BSN: variants seen among roughly 807,000 people sequenced by gnomAD.
BSN encodes protein bassoon.
Under a neutral mutation model 264.8 loss-of-function variants are expected in BSN, and 57 were observed. The observed-to-expected ratio is 0.22, with a 90% CI of 0.17 to 0.27. BSN has a LOEUF of 0.27. Among genes scored for constraint, BSN ranks in the 10% least tolerant of loss-of-function variants. The pLI is 1.00. For missense variants in BSN, 4,615 were observed against 5,232.5 expected, an observed-to-expected ratio of 0.88 and a Z score of 3.64; for synonymous variants, 2,059 against 2,137.3, an observed-to-expected ratio of 0.96 and a Z score of 1.01.
Position 49,663,273 on chromosome 3 carries a change from C to T in BSN, c.11115C>T (p.Tyr3705=). 3 of 1,614,136 alleles carry T rather than the reference C, an allele frequency of 1.9e-6. No homozygotes were observed. The highest frequency in any genetic ancestry group is 1.7e-6 in the Non-Finnish European group (2 of 1,180,026). The change falls in exon 7 of 12, where the codon TAC becomes TAT. Residue 3705 remains tyrosine, a synonymous_variant. Coordinates refer to ENST00000296452, the MANE Select transcript of BSN (RefSeq NM_003458.4). ...CTGGGTATCCCAGCTCTGCTGAGTA[C>T]TCACAGCCATCCCGTGCTTCATCCG... ...GQPGYPSSAE[Y]SQPSRASSAY...
rs1294938404 is a variant in BSN at position 49,625,120 on chromosome 3, G to A, written c.370G>A (p.Gly124Ser). ...GGGACCAGCAGGCCAGGAGGCTGAT[G>A]GTCCCCGCAGGACGCTGCAGGTAGA... ...AQGPAGQEAD[G>S]PRRTLQVDSR... The change falls in exon 2 of 12, where the codon GGT becomes AGT. Residue 124 changes from glycine (G) to serine (S), a missense_variant. Coordinates refer to ENST00000296452, the MANE Select transcript of BSN (RefSeq NM_003458.4). The surrounding 1 kb of genome is among the most constrained non-coding windows in gnomAD (Gnocchi z 4.4). The A allele has an allele frequency of 5.0e-6, 8 of 1,602,652 alleles. No individual in the cohort carries two copies. The highest frequency in any genetic ancestry group is 6.8e-6 in the Non-Finnish European group (8 of 1,174,778).
chr3:49,606,239 ATG>A (rs2052145378), intron 1 of BSN, among the ~76,000 whole-genome samples: 1 of 87,768 alleles, frequency 1.1e-5, no homozygotes, highest in African/African-American at 5.0e-5. Flanking sequence ...TATATTATAT[ATG>A]TATATATTAT....
intron 1 of BSN, among the ~76,000 whole-genome samples, chr3:49,572,724 A>T (rs879661476): frequency 1.3e-5 from 2 of 152,090 alleles, no homozygotes; most frequent in Non-Finnish European, 2.9e-5. Flanking sequence ...TAGTAGAGAC[A>T]GGGTTTCACC....
chr3:49,569,832 G>C (rs902233302), intron 1 of BSN, among the ~76,000 whole-genome samples: 1 of 152,158 alleles, frequency 6.6e-6, no homozygotes, highest in African/African-American at 2.4e-5. Context: ...CTCCTGTTCA[G>C]TAAACTTCAT....
chr3:49,593,617 T>A (rs1173271365), intron 1 of BSN, among the ~76,000 whole-genome samples: 1 of 152,180 alleles, frequency 6.6e-6, no homozygotes, highest in Non-Finnish European at 1.5e-5. Context: ...GTTGTGGTTT[T>A]AATTTGTATT....
intron 3 of BSN, among the ~76,000 whole-genome samples, chr3:49,643,828 TG>T (rs1313235174): frequency 2.0e-5 from 3 of 152,174 alleles, no homozygotes; most frequent in Non-Finnish European, 4.4e-5. Context: ...GAGACAGACC[TG>T]GGGTTGTGGC....
chr3:49,639,200 T>C (rs2052442031), intron 2 of BSN, among the ~76,000 whole-genome samples: 1 of 72,690 alleles, frequency 1.4e-5, no homozygotes, highest in Admixed American at 1.1e-4. Flanking sequence ...TTTCTTTTTC[T>C]TTTTTTTTTT....
chr3:49,604,594 C>CT (rs998245762), intron 1 of BSN, among the ~76,000 whole-genome samples: 1 of 152,024 alleles, frequency 6.6e-6, no homozygotes, highest in Admixed American at 6.5e-5. Flanking sequence ...ATATAACACA[C>CT]TTTTTTTACC....
At chr3:49,560,111 G>C (rs574364149) in intron 1 of BSN, among the ~76,000 whole-genome samples, 20 of 152,252 alleles carry the variant, frequency 1.3e-4, no homozygotes, top group South Asian at 1.2e-3. Context: ...CCCAGTGTGG[G>C]GGAGCCCTCC....
chr3:49,589,160 C>A (rs968984444), intron 1 of BSN, among the ~76,000 whole-genome samples: 1 of 150,684 alleles, frequency 6.6e-6, no homozygotes, highest in African/African-American at 2.4e-5. Flanking sequence ...GATCCGCCCG[C>A]CTCGGCCTCC....
At chr3:49,582,973 A>ATTTG (rs1170660076) in intron 1 of BSN, among the ~76,000 whole-genome samples, 11 of 150,150 alleles carry the variant, frequency 7.3e-5, no homozygotes, top group Non-Finnish European at 1.5e-4. Flanking sequence ...TTATTTATTT[A>ATTTG]TTTATTTATT....
In BSN at chr3:49,653,008, G is replaced by A; in HGVS notation, c.3452G>A (p.Ser1151Asn). ...GGPSRLYKSGSEYNLPTFMSL... is the reference protein window; with the variant it reads ...GGPSRLYKSGNEYNLPTFMSL... ...CCTAGCCGGCTTTACAAGTCAGGCA[G>A]TGAGTACAACCTGCCCACCTTCATG... Residue 1151 changes from serine to asparagine, a missense_variant, in exon 5 of 12, where the codon AGT becomes AAT. Physicochemically the swap from Ser to Asn is conservative, Grantham distance 46. This residue lies in a region of BSN where 3,415 missense variants were observed against 3,866.4 expected (regional missense o/e 0.88). Coordinates refer to ENST00000296452, the MANE Select transcript of BSN (RefSeq NM_003458.4). This position sits in a 1 kb window ranked among gnomAD's most constrained non-coding sequence, Gnocchi z 6.3. The A allele has an allele frequency of 6.2e-7, 1 of 1,613,582 alleles. No homozygotes were observed. Among genetic ancestry groups the A allele is most frequent in the Non-Finnish European group, 8.5e-7 (1 of 1,179,944 alleles).
intron 1 of BSN, among the ~76,000 whole-genome samples, chr3:49,605,564 T>A (rs374339174): frequency 1.8e-3 from 5 of 2,758 alleles, no homozygotes; most frequent in African/African-American, 3.1e-3. Context: ...ATAATATATA[T>A]TATATATTAT....
In BSN at chr3:49,655,734, C is replaced by T; in HGVS notation, c.6178C>T (p.Arg2060Cys). 6.2e-7 allele frequency: 1 copy of T among 1,613,484 alleles called. No homozygotes were observed. Among genetic ancestry groups the T allele is most frequent in the Non-Finnish European group, 8.5e-7 (1 of 1,180,040 alleles). The stretch of plus-strand genomic sequence containing the variant: ...TTTGGCTCACCCGCTTCCCATGCGG[C>T]GCTATAGCTCAGTGTCGAACATCTA... ...DLLAHPLPMRRYSSVSNIYSD... is the reference protein window; with the variant it reads ...DLLAHPLPMRCYSSVSNIYSD... The change falls in exon 5 of 12, where the codon CGC becomes TGC. Residue 2060 changes from arginine (R) to cysteine (C), a missense_variant. Physicochemically the swap from Arg to Cys is radical, Grantham distance 180. Transcript: ENST00000296452.
rs1002677390 is a variant in BSN, at chr3:49,655,790, T to C, written c.6234T>C (p.Asp2078=). Residue 2078 remains aspartate, a synonymous_variant, in exon 5 of 12, where the codon GAT becomes GAC. Coordinates refer to ENST00000296452, the MANE Select transcript of BSN (RefSeq NM_003458.4). ...ACCACAGGTACGGCCCACGGGGAGA[T>C]GCAGTTGGCTTCCAGGAGGCCAGCC... is the stretch of plus-strand genomic sequence containing the variant. ...YSDHRYGPRG[D]AVGFQEASLA... The C allele has an allele frequency of 6.2e-7, 1 of 1,613,272 alleles. No individual in the cohort carries two copies. The highest frequency in any genetic ancestry group is 1.1e-5 in the South Asian group (1 of 91,086).
At chr3:49,592,873 A>G (rs1383903580) in intron 1 of BSN, among the ~76,000 whole-genome samples, 1 of 152,226 alleles carries the variant, frequency 6.6e-6, no homozygotes, top group African/African-American at 2.4e-5. Flanking sequence ...AAAATCCACC[A>G]ATCTTTCTCA....
At chr3:49,562,916 G>A (rs1194814270) in intron 1 of BSN, among the ~76,000 whole-genome samples, 2 of 152,156 alleles carry the variant, frequency 1.3e-5, no homozygotes, top group Non-Finnish European at 2.9e-5. Context: ...TGCACGTTGG[G>A]TATGTCCTTG....
intron 1 of BSN, 54 bp from the exon 2 acceptor site, chr3:49,624,921 G>A (rs2052331002): frequency 4.1e-5 from 60 of 1,457,826 alleles, no homozygotes; most frequent in South Asian, 4.0e-4. Flanking sequence ...AGAGACCTCC[G>A]CAAGCTGCTT....
At position 49,651,888 on chromosome 3, in the gene BSN, G is replaced by A. The variant is rs1263954147; in HGVS notation, c.2332G>A (p.Glu778Lys). 6.2e-7 allele frequency: 1 copy of A among 1,614,034 alleles called. No individual in the cohort carries two copies. The highest frequency in any genetic ancestry group is 1.1e-5 in the South Asian group (1 of 91,088). The change falls in exon 5 of 12, where the codon GAG becomes AAG. Residue 778 changes from glutamate (E) to lysine (K), a missense_variant. Physicochemically the swap from Glu to Lys is moderately conservative, Grantham distance 56. Coordinates refer to ENST00000296452, the MANE Select transcript of BSN (RefSeq NM_003458.4). The surrounding 1 kb of genome is among the most constrained non-coding windows in gnomAD (Gnocchi z 5.4). ...PEAFDSDEEL[E>K]DILEEDEDSA... ...GGCCTTTGACTCTGATGAGGAGCTG[G>A]AGGATATCCTGGAGGAAGACGAAGA...
Sources: allele counts gnomAD v4.1 joint callset (sites outside exome capture counted in the v4.1 genomes callset), GRCh38; gene constraint gnomAD v4.1.1; regional missense constraint gnomAD v4.1.1; non-coding constraint Gnocchi (gnomAD v3.1); transcripts MANE v1.5; gene names NCBI Gene and HGNC (gene_info 2026-07-23, HGNC 2026-07-21).